NR2F1-AS1: variants seen among roughly 807,000 people sequenced by gnomAD.
NR2F1-AS1 encodes the protein NR2F1 antisense RNA 1.
chr5:93,565,690 A>G (rs1028358843), intron 1 of NR2F1-AS1, among the ~76,000 whole-genome samples: 1 of 152,012 alleles, frequency 6.6e-6, no homozygotes, highest in African/African-American at 2.4e-5. Flanking sequence ...ATCAAAAGGT[A>G]AAATAAATGA....
chr5:93,490,851 G>T (rs1750824573), intron 4 of NR2F1-AS1, among the ~76,000 whole-genome samples: 1 of 150,204 alleles, frequency 6.7e-6, no homozygotes, highest in Non-Finnish European at 1.5e-5. Flanking sequence ...TGGTGCAGTG[G>T]TGGTGGTTGA....
At chr5:93,445,825 AG>A (rs1166082752) in intron 4 of NR2F1-AS1, among the ~76,000 whole-genome samples, 2 of 152,238 alleles carry the variant, frequency 1.3e-5, no homozygotes, top group East Asian at 3.8e-4. Context: ...AACTGAATCC[AG>A]CAGCACATCA....
chr5:93,414,694 C>A (rs985219054), intron 4 of NR2F1-AS1, among the ~76,000 whole-genome samples: 2 of 152,156 alleles, frequency 1.3e-5, no homozygotes, highest in African/African-American at 4.8e-5. Flanking sequence ...ACCTGGTGTT[C>A]TCCTGCCAGA....
At chr5:93,518,190 A>G (rs188139403) in intron 4 of NR2F1-AS1, among the ~76,000 whole-genome samples, 2 of 152,214 alleles carry the variant, frequency 1.3e-5, no homozygotes, top group Admixed American at 1.3e-4. Flanking sequence ...TGAGAACAAG[A>G]GTTTTTCAAA....
chr5:93,561,334 C>A (rs1048818786), intron 2 of NR2F1-AS1, among the ~76,000 whole-genome samples: 2 of 152,034 alleles, frequency 1.3e-5, no homozygotes, highest in Non-Finnish European at 2.9e-5. Flanking sequence ...TCTCCTTGTG[C>A]AAGAGATAAC....
chr5:93,496,926 T>TC (rs1750972357), intron 4 of NR2F1-AS1, among the ~76,000 whole-genome samples: 1 of 152,214 alleles, frequency 6.6e-6, no homozygotes, highest in Non-Finnish European at 1.5e-5. Flanking sequence ...CTTTTTACTG[T>TC]GAATACAGAA....
chr5:93,433,972 C>T (rs1445929004), intron 4 of NR2F1-AS1, among the ~76,000 whole-genome samples: 3 of 152,126 alleles, frequency 2.0e-5, no homozygotes, highest in Non-Finnish European at 2.9e-5. Context: ...GCCCTCAGGC[C>T]AAGTGTAGAC....
intron 4 of NR2F1-AS1, among the ~76,000 whole-genome samples, chr5:93,498,909 A>G (rs866061475): frequency 6.6e-5 from 10 of 152,150 alleles, no homozygotes; most frequent in African/African-American, 2.2e-4. Context: ...AAAGCCTTGT[A>G]ATTATATGTA....
intron 4 of NR2F1-AS1, among the ~76,000 whole-genome samples, chr5:93,416,637 T>G (rs1009543366): frequency 1.6e-4 from 24 of 152,324 alleles, no homozygotes; most frequent in Admixed American, 2.6e-4. Context: ...GCAGGTATTA[T>G]CATACCATTT....
chr5:93,416,972 CACA>C (rs1748981133), intron 4 of NR2F1-AS1, among the ~76,000 whole-genome samples: 1 of 152,180 alleles, frequency 6.6e-6, no homozygotes, highest in Non-Finnish European at 1.5e-5. Flanking sequence ...AACTGACCCT[CACA>C]ACAACCTCAT....
At chr5:93,542,912 C>G (rs1457565490) in intron 4 of NR2F1-AS1, 1 of 152,288 alleles carries the variant, frequency 6.6e-6, no homozygotes, top group Non-Finnish European at 1.5e-5. Context: ...CATTTCCCAC[C>G]CACCCCAAGG....
chr5:93,449,281 T>C (rs1749780358), intron 4 of NR2F1-AS1, among the ~76,000 whole-genome samples: 1 of 152,172 alleles, frequency 6.6e-6, no homozygotes, highest in Admixed American at 6.6e-5. Context: ...CATCATAAAG[T>C]AGACCATATC....
intron 4 of NR2F1-AS1, among the ~76,000 whole-genome samples, chr5:93,524,381 T>C (rs957268708): frequency 6.6e-6 from 1 of 152,150 alleles, no homozygotes; most frequent in Non-Finnish European, 1.5e-5. Context: ...CTGCGTTTGA[T>C]TGGTGTATCT....
chr5:93,518,221 T>C lies in NR2F1-AS1; in HGVS notation n.638+35540A>G, dbSNP rs116309987. 8.2e-3 allele frequency among the ~76,000 whole-genome samples: 1,249 copies of C among 152,250 alleles called. 7 individuals are homozygous for C. Among genetic ancestry groups the C allele is most frequent in the Non-Finnish European group, 0.011 (772 of 67,998 alleles). On this transcript the variant is annotated intron_variant and non_coding_transcript_variant, in intron 4 of 5. Transcript: ENST00000660523. Reference sequence around the variant, plus strand: ...TCAAAATTGCTTTTATGATAAATGTTAGTAATGTGATACAGACCTAGTGGT... The same window carrying C: ...TCAAAATTGCTTTTATGATAAATGTCAGTAATGTGATACAGACCTAGTGGT...
At chr5:93,467,510 C>T (rs1271947156) in intron 4 of NR2F1-AS1, among the ~76,000 whole-genome samples, 4 of 152,154 alleles carry the variant, frequency 2.6e-5, no homozygotes, top group Non-Finnish European at 4.4e-5. Context: ...GCCAGTGCTC[C>T]GTTCAGTTGA....
chr5:93,490,702 TAGC>T (rs1210888026), intron 4 of NR2F1-AS1, among the ~76,000 whole-genome samples: 6 of 150,924 alleles, frequency 4.0e-5, no homozygotes, highest in Non-Finnish European at 7.4e-5. Flanking sequence ...GTGGTAGTGA[TAGC>T]AATGGTGGTG....
At chr5:93,585,091 C>A, upstream of NR2F1-AS1, 1 of 1,010,570 alleles carries the variant, frequency 9.9e-7, no homozygotes. Context: ...CCCGGCGGCC[C>A]CAACCCCGCA....
intron 4 of NR2F1-AS1, among the ~76,000 whole-genome samples, chr5:93,552,430 A>G (rs1351978205): frequency 6.6e-6 from 1 of 152,204 alleles, no homozygotes; most frequent in Non-Finnish European, 1.5e-5. Flanking sequence ...TTAACATGTA[A>G]GAAGTACATG....
At chr5:93,452,371 T>TAAG (rs1389298817) in intron 4 of NR2F1-AS1, among the ~76,000 whole-genome samples, 2 of 152,296 alleles carry the variant, frequency 1.3e-5, no homozygotes, top group African/African-American at 4.8e-5. Context: ...AGCTGAGCCC[T>TAAG]CTGATTGCCC....
Sources: allele counts gnomAD v4.1 joint callset (sites outside exome capture counted in the v4.1 genomes callset), GRCh38; gene constraint gnomAD v4.1.1; transcripts MANE v1.5; gene names NCBI Gene and HGNC (gene_info 2026-07-23, HGNC 2026-07-21).